Variants in CDK20 observed in about 807,000 individuals in gnomAD.
CDK20 encodes the protein cyclin dependent kinase 20, also known as cyclin-dependent kinase 20.
A neutral mutation model predicts 38.6 loss-of-function variants in CDK20; 40 were observed. The observed-to-expected ratio is 1.04, with a 90% CI of 0.81 to 1.35. CDK20 has a LOEUF of 1.35. Among genes scored for constraint, CDK20 ranks in the 40% most tolerant of loss-of-function variants. The pLI is 0.00. For synonymous variants in CDK20, 209 were observed against 185.7 expected, an observed-to-expected ratio of 1.13 and a Z score of -1.02; for missense variants, 512 against 452.6, an observed-to-expected ratio of 1.13 and a Z score of -1.19.
Position 87,970,877 on chromosome 9 carries a change from C to G in CDK20, c.399G>C (p.Leu133=). 1 of 1,614,170 alleles carries G rather than the reference C, an allele frequency of 6.2e-7. No individual in the cohort carries two copies. Among genetic ancestry groups the G allele is most frequent in the Non-Finnish European group, 8.5e-7 (1 of 1,180,022 alleles). ...IVHRDLKPAN[L]LISASGQLKI... ...TGAGCTGGCCTGAGGCGCTGATGAG[C>G]AGGTTGGCAGGTTTCAGGTCCTGGG... Residue 133 remains leucine, a synonymous_variant, in exon 4 of 8, where the codon CTG becomes CTC. Coordinates refer to ENST00000325303, the MANE Select transcript of CDK20 (RefSeq NM_001039803.3).
In CDK20 at chr9:87,969,147, A is replaced by T. The variant is rs755178570; in HGVS notation, c.843+47T>A. 2.5e-6 allele frequency: 4 copies of T among 1,601,094 alleles called. No homozygotes were observed. The Admixed American group carries it at 6.7e-5, about 27-fold the overall frequency. On this transcript the variant is annotated intron_variant, in intron 7 of 7. Coordinates refer to ENST00000325303, the MANE Select transcript of CDK20 (RefSeq NM_001039803.3). ...CTACCAAGTACAGAGTACCAGGGTG[A>T]TGGGGAGGGGAGCTGAAGGAGCAGA...
At chr9:87,972,807 C>G (rs1829954571) in intron 2 of CDK20, among the ~76,000 whole-genome samples, 1 of 152,196 alleles carries the variant, frequency 6.6e-6, no homozygotes, top group Admixed American at 6.5e-5. Flanking sequence ...ATCTCTCCAC[C>G]TATCCCACAC....
Position 87,974,225 on chromosome 9 carries a change from G to A in CDK20, c.75+147C>T. On this transcript the variant is annotated intron_variant, in intron 1 of 7. Coordinates refer to ENST00000325303, the MANE Select transcript of CDK20 (RefSeq NM_001039803.3). The stretch of plus-strand genomic sequence containing the variant: ...GACCAAGCCAGCTGTGCGGAGGGAA[G>A]CGCAACGGCCCAAAGTAGGTTTAGA... The A allele has an allele frequency of 4.1e-6, 5 of 1,230,372 alleles. No individual in the cohort carries two copies. In the East Asian group the frequency reaches 1.2e-4, roughly 30 times the overall value. 76.2% of individuals were successfully genotyped at this position (1,230,372 alleles called of 1,614,324 possible). A position where few individuals can be genotyped will look rare whatever the true frequency, so the allele number is the denominator to read the frequency against.
At chr9:87,970,201 T>C (rs1829750721) in intron 5 of CDK20, 6 of 442,280 alleles carry the variant, frequency 1.4e-5, no homozygotes, top group African/African-American at 8.1e-5. Context: ...CACTGCCAAC[T>C]ATCTTCTTGC....
chr9:87,967,859 A>G, intron 7 of CDK20, 200 bp from the exon 8 acceptor site: 1 of 538,224 alleles, frequency 1.9e-6, no homozygotes. Context: ...TGTTTTTCTG[A>G]CATAAGTGAG....
rs760442958 is a variant in CDK20 at position 87,974,477 on chromosome 9, GC to G, written c.-32del. On this transcript the variant is annotated 5_prime_UTR_variant, in exon 1 of 8. Transcript: ENST00000325303. ...TGCAGTCGTGGGCCTGTGCCCCTGT[GC>G]CCCTGAACTTCCAAACTCCACTTCT... 2.5e-6 allele frequency: 4 copies of G among 1,589,642 alleles called. No individual in the cohort carries two copies. Among genetic ancestry groups the G allele is most frequent in the Non-Finnish European group, 3.4e-6 (4 of 1,166,014 alleles).
chr9:87,973,873 G>A (rs750145534), intron 2 of CDK20, 49 bp downstream of exon 2: 21 of 1,574,406 alleles, frequency 1.3e-5, no homozygotes, highest in Admixed American at 1.7e-5. Context: ...AAAGAAGTGG[G>A]AACGAGCGAC....
Position 87,970,594 on chromosome 9 carries a change from G to A in CDK20, c.537C>T (p.Arg179=). The part of the protein sequence containing the change: ...YRAPELLYGA[R]QYDQGVDLWS... ...ACAGATCGACGCCCTGGTCATACTGGCGGGCACCATACAGGAGCTCGGGGG... is the reference window on the plus strand; with the variant it reads ...ACAGATCGACGCCCTGGTCATACTGACGGGCACCATACAGGAGCTCGGGGG... Residue 179 remains arginine (R), a synonymous_variant, in exon 5 of 8, where the codon CGC becomes CGT. Coordinates refer to ENST00000325303, the MANE Select transcript of CDK20 (RefSeq NM_001039803.3). The A allele has an allele frequency of 3.7e-6, 6 of 1,614,098 alleles. No homozygotes were observed. The highest frequency in any genetic ancestry group is 5.1e-6 in the Non-Finnish European group (6 of 1,180,018).
rs1377025443 is a variant in CDK20 at position 87,970,862 on chromosome 9, T to C, written c.414A>G (p.Ser138=). The C allele has an allele frequency of 6.2e-7, 1 of 1,614,198 alleles. No individual in the cohort carries two copies. The highest frequency in any genetic ancestry group is 1.1e-5 in the South Asian group (1 of 91,088). The change falls in exon 4 of 8, where the codon TCA becomes TCG. Residue 138 remains serine (S), a synonymous_variant. Coordinates refer to ENST00000325303, the MANE Select transcript of CDK20 (RefSeq NM_001039803.3). ...CAAAGTCCGCTATCTTGAGCTGGCC[T>C]GAGGCGCTGATGAGCAGGTTGGCAG... ...LKPANLLISA[S]GQLKIADFGL...
At chr9:87,973,900 A>G in intron 2 of CDK20, 22 bp downstream of exon 2, 1 of 1,606,380 alleles carries the variant, frequency 6.2e-7, no homozygotes, top group East Asian at 2.2e-5. Flanking sequence ...TGAGAATACC[A>G]TGCCCCCCCT....
At position 87,966,878 on chromosome 9, in the gene CDK20, T is replaced by A. The variant is rs1369970731; in HGVS notation, c.*584A>T. 2 of 371,158 alleles carry A rather than the reference T, an allele frequency of 5.4e-6. No homozygotes were observed. The highest frequency in any genetic ancestry group is 6.8e-5 in the Admixed American group (2 of 29,580). 23.0% of individuals were successfully genotyped at this position (371,158 alleles called of 1,614,324 possible). A position where few individuals can be genotyped will look rare whatever the true frequency, so the allele number is the denominator to read the frequency against. ...AAAGTGGCTATGCCTGGTGCTACCC[T>A]CCCCATGACCCCAAAAACGAGAGCC... On this transcript the variant is annotated 3_prime_UTR_variant, in exon 8 of 8. Coordinates refer to ENST00000325303, the MANE Select transcript of CDK20 (RefSeq NM_001039803.3).
chr9:87,967,391 AGGCAGGT>A lies in CDK20; in HGVS notation c.*64_*70del. ...TGGGGAGGCCTTGGAGGGTGAAGCC[AGGCAGGT>A]GGCAGAGGAACAGGTGGACTGAGTG... On this transcript the variant is annotated 3_prime_UTR_variant, in exon 8 of 8. Transcript: ENST00000325303. 6.7e-7 allele frequency: 1 copy of A among 1,485,414 alleles called. No homozygotes were observed. The highest frequency in any genetic ancestry group is 9.2e-7 in the Non-Finnish European group (1 of 1,087,170). 92.0% of individuals were successfully genotyped at this position (1,485,414 alleles called of 1,614,324 possible).
rs758604328 is a variant in CDK20 at position 87,967,405 on chromosome 9, G to A, written c.*57C>T. On this transcript the variant is annotated 3_prime_UTR_variant, in exon 8 of 8. Coordinates refer to ENST00000325303, the MANE Select transcript of CDK20 (RefSeq NM_001039803.3). ...AGGGTGAAGCCAGGCAGGTGGCAGA[G>A]GAACAGGTGGACTGAGTGGTCCTGA... 8.5e-6 allele frequency: 13 copies of A among 1,527,006 alleles called. No homozygotes were observed. In the South Asian group the frequency reaches 1.4e-4, roughly 17 times the overall value. 94.6% of individuals were successfully genotyped at this position (1,527,006 alleles called of 1,614,324 possible).
chr9:87,973,985 G>C lies in CDK20; in HGVS notation c.126C>G (p.Asp42Glu). The C allele has an allele frequency of 6.2e-7, 1 of 1,614,168 alleles. No homozygotes were observed. Among genetic ancestry groups the C allele is most frequent in the Non-Finnish European group, 8.5e-7 (1 of 1,180,024 alleles). The change falls in exon 2 of 8, where the codon GAC becomes GAG. Residue 42 changes from aspartate (D) to glutamate (E), a missense_variant. By Grantham distance (45) the Asp-to-Glu change is conservative. Transcript: ENST00000325303. ...LKKVALRRLE[D>E]GFPNQALREI... is the part of the protein sequence containing the mutation. ...CCCGCAGGGCCTGGTTAGGGAAGCCGTCCTCCAACCGCCTTAGGGCCACCT... is the reference window on the plus strand; with the variant it reads ...CCCGCAGGGCCTGGTTAGGGAAGCCCTCCTCCAACCGCCTTAGGGCCACCT...
chr9:87,967,709 TC>T, intron 7 of CDK20, 50 bp from the exon 8 acceptor site: 1 of 1,419,658 alleles, frequency 7.0e-7, no homozygotes, highest in Non-Finnish European at 9.3e-7. Context: ...CACCTCCCTG[TC>T]CCCAGCCTCA....
rs752366494 is a variant in CDK20, at chr9:87,971,182, C to A, written c.343G>T (p.Val115Phe). 3 of 1,614,208 alleles carry A rather than the reference C, an allele frequency of 1.9e-6. No homozygotes were observed. The highest frequency in any genetic ancestry group is 2.5e-6 in the Non-Finnish European group (3 of 1,180,028). ...ATGTTGTTGGCATGGCAGAAGGCGA[C>A]ACCCTTGAGCAGCATCTGCAGGTAG... ...KSYLQMLLKG[V>F]AFCHANNIVH... The change falls in exon 3 of 8, where the codon GTC becomes TTC. Residue 115 changes from valine (V) to phenylalanine (F), a missense_variant. Physicochemically the swap from Val to Phe is conservative, Grantham distance 50 (BLOSUM62 -1). Coordinates refer to ENST00000325303, the MANE Select transcript of CDK20 (RefSeq NM_001039803.3).
rs756918547 is a variant in CDK20, at chr9:87,969,852, C to A, written c.631G>T (p.Glu211Ter). ...SPLFPGKNDI[E>*]QLCYVLRILG... ...ATGCGAAGCACATAGCAAAGCTGTT[C>A]AATATCGTTCTTGCCCGGGAAAAGG... is the stretch of plus-strand genomic sequence containing the variant. Residue 211 changes from glutamate (E) to a stop codon, truncating the protein, a stop_gained, in exon 6 of 8, where the codon GAA becomes TAA. Coordinates refer to ENST00000325303, the MANE Select transcript of CDK20 (RefSeq NM_001039803.3). LOFTEE classifies it high-confidence loss of function. The A allele has an allele frequency of 1.1e-5, 18 of 1,611,664 alleles. No homozygotes were observed. The highest frequency in any genetic ancestry group is 1.3e-5 in the African/African-American group (1 of 74,824).
chr9:87,974,024 T>C lies in CDK20; in HGVS notation c.87A>G (p.Ile29Met), dbSNP rs1470987489. 5.6e-6 allele frequency: 9 copies of C among 1,614,124 alleles called. No individual in the cohort carries two copies. The South Asian group carries it at 9.9e-5, about 18-fold the overall frequency. ...TTAGGGCCACCTTCTTGAGGGCAACTATCTCGCCAGTCTGCAGGATAGAAG... is the reference window on the plus strand; with the variant it reads ...TTAGGGCCACCTTCTTGAGGGCAACCATCTCGCCAGTCTGCAGGATAGAAG... ...FKAKHVETGEIVALKKVALRR... is the reference protein window; with the variant it reads ...FKAKHVETGEMVALKKVALRR... The change falls in exon 2 of 8, where the codon ATA becomes ATG. Residue 29 changes from isoleucine to methionine, a missense_variant. Physicochemically the swap from Ile to Met is conservative, Grantham distance 10. Coordinates refer to ENST00000325303, the MANE Select transcript of CDK20 (RefSeq NM_001039803.3).
chr9:87,970,734 C>CT (rs762573799), intron 4 of CDK20, 42 bp downstream of exon 4: 2 of 1,613,484 alleles, frequency 1.2e-6, no homozygotes, highest in South Asian at 1.1e-5. Flanking sequence ...AGAAGCATCT[C>CT]TTCCCCATGG....
Sources: gnomAD v4.1 joint callset for allele counts (sites outside exome capture counted in the v4.1 genomes callset) on GRCh38, gnomAD v4.1.1 for gene constraint, MANE v1.5 for transcripts, NCBI Gene and HGNC (gene_info 2026-07-23, HGNC 2026-07-21) for gene names.